FOXN3: variants seen among roughly 807,000 people sequenced by gnomAD.
FOXN3 encodes the protein forkhead box protein N3.
Under a neutral mutation model 38.4 loss-of-function variants are expected in FOXN3, and 7 were observed. The observed-to-expected ratio is 0.18, with a 90% confidence interval of 0.10 to 0.34. The LOEUF is 0.34. Among genes scored for constraint, FOXN3 ranks in the 10% least tolerant of loss-of-function variants. The pLI, the probability that FOXN3 is intolerant of heterozygous loss-of-function variation, is 1.00. For synonymous variants in FOXN3, 230 were observed against 242.2 expected (o/e 0.95, Z 0.47); for missense variants, 456 against 613.4 (o/e 0.74, Z 2.71).
chr14:89,216,568 T>C (rs890208863), intron 4 of FOXN3, among the ~76,000 whole-genome samples: 2 of 152,112 alleles, frequency 1.3e-5, no homozygotes, highest in African/African-American at 4.8e-5. Flanking sequence ...CTCAGGCCCC[T>C]TTTTCCTTCT....
chr14:89,305,851 A>G (rs144383278), intron 3 of FOXN3, among the ~76,000 whole-genome samples: 1 of 152,376 alleles, frequency 6.6e-6, no homozygotes, highest in African/African-American at 2.4e-5. Flanking sequence ...GGAAAACTGA[A>G]TGTTTCTGCA....
intron 1 of FOXN3, among the ~76,000 whole-genome samples, chr14:89,550,415 T>C (rs1292473193): frequency 6.6e-6 from 1 of 152,150 alleles, no homozygotes; most frequent in Non-Finnish European, 1.5e-5. Context: ...TGCCAGCCCT[T>C]CCCCATTTCC....
intron 3 of FOXN3, among the ~76,000 whole-genome samples, chr14:89,320,453 G>A (rs566213691): frequency 2.2e-4 from 33 of 152,284 alleles, no homozygotes; most frequent in Admixed American, 1.3e-3. Context: ...AATATTTTCC[G>A]CAGAATCACC....
intron 5 of FOXN3, 101 bp downstream of exon 5, chr14:89,180,600 G>T: frequency 2.5e-6 from 2 of 786,198 alleles, no homozygotes; most frequent in Non-Finnish European, 3.8e-6. Context: ...GCTGTCACTA[G>T]TTCGAAGCAG....
intron 1 of FOXN3, among the ~76,000 whole-genome samples, chr14:89,538,940 T>A (rs1343208736): frequency 6.6e-6 from 1 of 151,736 alleles, no homozygotes; most frequent in African/African-American, 2.4e-5. Context: ...GCCCCATGGG[T>A]TCAAGCGATT....
At chr14:89,229,620 A>C (rs1165525374) in intron 4 of FOXN3, among the ~76,000 whole-genome samples, 1 of 152,210 alleles carries the variant, frequency 6.6e-6, no homozygotes, top group African/African-American at 2.4e-5. Flanking sequence ...TCCCTAGCAG[A>C]AAATACACTT....
At chr14:89,414,551 GTTTTTTTT>G (rs748504239) in intron 1 of FOXN3, among the ~76,000 whole-genome samples, 45 of 122,900 alleles carry the variant, frequency 3.7e-4, no homozygotes, top group South Asian at 1.4e-3. Context: ...GGCCCAACCG[GTTTTTTTT>G]TTTTTTTTTT....
intron 1 of FOXN3, among the ~76,000 whole-genome samples, chr14:89,567,204 T>G (rs1000013753): frequency 1.3e-5 from 2 of 152,178 alleles, no homozygotes; most frequent in African/African-American, 4.8e-5. Flanking sequence ...CTGCCTCTCT[T>G]CCCCTTTAAC....
At position 89,362,413 on chromosome 14, in the gene FOXN3, T is replaced by A. The variant is rs1357991567; in HGVS notation, c.544-11605A>T. 2.3e-3 allele frequency among the ~76,000 whole-genome samples: 13 copies of A among 5,764 alleles called. 1 individual carries two copies. The highest frequency in any genetic ancestry group is 7.0e-3 in the African/African-American group (13 of 1,858). 3.8% of individuals were successfully genotyped at this position (5,764 alleles called of 152,430 possible). A position where few individuals can be genotyped will look rare whatever the true frequency, so the allele number is the denominator to read the frequency against. On this transcript the variant is annotated intron_variant, in intron 2 of 5. Coordinates refer to ENST00000557258, the MANE Select transcript of FOXN3 (RefSeq NM_005197.4). ...CACCACCTCCAGCACCACCACCACC[T>A]CCTCCTCCTCCACCACCACCACCAC...
At chr14:89,503,167 G>C (rs1893838622) in intron 1 of FOXN3, among the ~76,000 whole-genome samples, 1 of 152,160 alleles carries the variant, frequency 6.6e-6, no homozygotes, top group South Asian at 2.1e-4. Context: ...CCGGCCAGCA[G>C]AGGTGGCCCA....
chr14:89,228,989 G>C (rs568063433), intron 4 of FOXN3, among the ~76,000 whole-genome samples: 39 of 152,224 alleles, frequency 2.6e-4, no homozygotes, highest in Non-Finnish European at 2.9e-4. Flanking sequence ...TGTAAAAACG[G>C]GCTGTTTTGA....
intron 4 of FOXN3, among the ~76,000 whole-genome samples, chr14:89,204,838 G>GCATCCATC (rs951591142): frequency 6.6e-6 from 1 of 150,488 alleles, no homozygotes; most frequent in Non-Finnish European, 1.5e-5. Flanking sequence ...ATGCATTCAT[G>GCATCCATC]CATCCATCCA....
chr14:89,498,646 G>C (rs1295478004), intron 1 of FOXN3, among the ~76,000 whole-genome samples: 6 of 152,124 alleles, frequency 3.9e-5, no homozygotes, highest in African/African-American at 1.2e-4. Flanking sequence ...ACCTGGATTT[G>C]GTCACGCTAC....
At chr14:89,480,500 C>T (rs920416667) in intron 1 of FOXN3, among the ~76,000 whole-genome samples, 2 of 151,866 alleles carry the variant, frequency 1.3e-5, no homozygotes, top group Non-Finnish European at 2.9e-5. Flanking sequence ...GGCTCTGTGT[C>T]TCAAAGCATC....
At chr14:89,461,298 C>T (rs1012365287) in intron 1 of FOXN3, among the ~76,000 whole-genome samples, 2 of 151,556 alleles carry the variant, frequency 1.3e-5, no homozygotes, top group African/African-American at 4.9e-5. Flanking sequence ...GATCACACCA[C>T]TGCACTCCAG....
Position 89,160,543 on chromosome 14 carries a change from C to T in FOXN3, c.*1871G>A, listed in dbSNP as rs1423858353. The T allele has an allele frequency of 6.6e-6, 1 of 152,526 alleles. No individual in the cohort carries two copies. Among genetic ancestry groups the T allele is most frequent in the Admixed American group, 6.6e-5 (1 of 15,262 alleles). 9.4% of individuals were successfully genotyped at this position (152,526 alleles called of 1,614,324 possible). A position where few individuals can be genotyped will look rare whatever the true frequency, so the allele number is the denominator to read the frequency against. ...GGCTAATTTGCATAATTATTCACTG[C>T]CTTTTTCCTAGAACCAAATCATGGT... On this transcript the variant is annotated 3_prime_UTR_variant, in exon 6 of 6. Coordinates refer to ENST00000557258, the MANE Select transcript of FOXN3 (RefSeq NM_005197.4).
chr14:89,298,944 A>G (rs944196008), intron 3 of FOXN3, among the ~76,000 whole-genome samples: 57 of 151,912 alleles, frequency 3.8e-4, no homozygotes, highest in African/African-American at 1.3e-3. Context: ...GCCCATGCCC[A>G]TTCCTTGACC....
intron 3 of FOXN3, among the ~76,000 whole-genome samples, chr14:89,289,566 C>G (rs564783552): frequency 1.3e-5 from 2 of 152,110 alleles, no homozygotes; most frequent in Non-Finnish European, 2.9e-5. Context: ...TCAAATGACA[C>G]GGTAGAAATA....
Position 89,282,304 on chromosome 14 carries a change from T to C in FOXN3, c.681-1290A>G, listed in dbSNP as rs566029016. Reference sequence around the variant, plus strand: ...GTTTTATTTTGTTTTGGATCCACTATACTAAAATTAAATGAGCATCACGCA... The same window carrying C: ...GTTTTATTTTGTTTTGGATCCACTACACTAAAATTAAATGAGCATCACGCA... On this transcript the variant is annotated intron_variant, in intron 3 of 5. Coordinates refer to ENST00000557258, the MANE Select transcript of FOXN3 (RefSeq NM_005197.4). 1.1e-4 allele frequency among the ~76,000 whole-genome samples: 17 copies of C among 152,286 alleles called. No individual in the cohort carries two copies. The South Asian group carries it at 1.4e-3, about 13-fold the overall frequency.
Sources: gnomAD v4.1 joint callset for allele counts (sites outside exome capture counted in the v4.1 genomes callset) on GRCh38, gnomAD v4.1.1 for gene constraint, MANE v1.5 for transcripts, NCBI Gene and HGNC (gene_info 2026-07-23, HGNC 2026-07-21) for gene names.